Variants in MAP7 observed in about 807,000 individuals in gnomAD.
The protein encoded by MAP7 is microtubule associated protein 7, also known as ensconsin.
Under a neutral mutation model 94.8 loss-of-function variants are expected in MAP7, and 52 were observed. That is an observed-to-expected ratio of 0.55 (90% CI 0.44 to 0.69). The LOEUF (loss-of-function observed/expected upper bound fraction) is 0.69. Ranked by LOEUF, MAP7 falls within the 30% of genes least tolerant of loss-of-function variation. MAP7 has a pLI of 0.00. For synonymous variants in MAP7, 350 were observed against 357.0 expected (o/e 0.98, Z 0.22); for missense variants, 940 against 964.6 (o/e 0.97, Z 0.34).
rs148488594 is a variant in MAP7, at chr6:136,438,369, A to C, written c.68-16570T>G. 3.2e-4 allele frequency among the ~76,000 whole-genome samples: 48 copies of C among 152,348 alleles called. No homozygotes were observed. In the East Asian group the frequency reaches 8.7e-3, roughly 28 times the overall value. On this transcript the variant is annotated intron_variant, in intron 1 of 17. Transcript: ENST00000354570. ...AAGTGGTCAGAAAGGGTCTGAATCTAACCTGGTTCGACTCCAGAATTTGCT... is the reference window on the plus strand; with the variant it reads ...AAGTGGTCAGAAAGGGTCTGAATCTCACCTGGTTCGACTCCAGAATTTGCT...
At chr6:136,423,549 A>G (rs1160241127) in intron 1 of MAP7, among the ~76,000 whole-genome samples, 1 of 152,060 alleles carries the variant, frequency 6.6e-6, no homozygotes, top group African/African-American at 2.4e-5. Flanking sequence ...AGAGGTTTTC[A>G]GCTCAGCCAC....
At chr6:136,408,619 C>T (rs1786361140) in intron 3 of MAP7, among the ~76,000 whole-genome samples, 1 of 152,190 alleles carries the variant, frequency 6.6e-6, no homozygotes, top group Non-Finnish European at 1.5e-5. Flanking sequence ...TTTACTTTGC[C>T]AGCATTTGTG....
chr6:136,394,902 TTC>T (rs1301617350), intron 3 of MAP7, among the ~76,000 whole-genome samples: 1 of 137,526 alleles, frequency 7.3e-6, no homozygotes, highest in Non-Finnish European at 1.6e-5. Context: ...CAGTGTTTCA[TTC>T]TTTTTTATGG....
At chr6:136,536,601 T>C (rs1055774973) in intron 1 of MAP7, among the ~76,000 whole-genome samples, 13 of 152,344 alleles carry the variant, frequency 8.5e-5, no homozygotes, top group African/African-American at 2.6e-4. Context: ...TTCTCTTAAA[T>C]TTCTTGCTGG....
intron 1 of MAP7, among the ~76,000 whole-genome samples, chr6:136,450,879 G>A (rs1800907621): frequency 6.6e-6 from 1 of 152,160 alleles, no homozygotes; most frequent in South Asian, 2.1e-4. Flanking sequence ...GTTACTGCTG[G>A]TGGGGCTCAG....
Position 136,383,676 on chromosome 6 carries a change from T to C in MAP7, c.632A>G (p.Asp211Gly), listed in dbSNP as rs1399894673. The change falls in exon 6 of 18, where the codon GAT (aspartate) becomes GGT (glycine). Residue 211 changes from aspartate to glycine, a missense_variant. Coordinates refer to ENST00000354570, the MANE Select transcript of MAP7 (RefSeq NM_003980.6). The part of the protein sequence containing the change: ...SSSATLLNSP[D>G]RARRLQLSPW... ...TGTTTTCCTTTGGACTGTACCTCTA[T>C]CTGGAGAATTTAGTAAAGTTGCAGA... 6.3e-7 allele frequency: 1 copy of C among 1,583,030 alleles called. No individual in the cohort carries two copies. Among genetic ancestry groups the C allele is most frequent in the East Asian group, 2.3e-5 (1 of 44,240 alleles).
chr6:136,466,220 T>C (rs1385313814), intron 1 of MAP7, among the ~76,000 whole-genome samples: 3 of 152,120 alleles, frequency 2.0e-5, no homozygotes, highest in Admixed American at 1.3e-4. Context: ...ATAAATGTGA[T>C]CTTTCTTTTT....
chr6:136,497,360 G>A (rs946717100), intron 1 of MAP7, among the ~76,000 whole-genome samples: 2 of 151,948 alleles, frequency 1.3e-5, no homozygotes, highest in Non-Finnish European at 2.9e-5. Context: ...CACCACCGCA[G>A]TGTAAATTGG....
At chr6:136,394,931 CATATATATAT>C (rs144839767) in intron 3 of MAP7, among the ~76,000 whole-genome samples, 385 of 27,500 alleles carry the variant, frequency 0.014, 18 homozygotes, top group Middle Eastern at 0.083. Context: ...AATATTCCAT[CATATATATAT>C]ATATATATAT....
At chr6:136,391,055 C>T (rs1780554996) in intron 3 of MAP7, among the ~76,000 whole-genome samples, 1 of 152,188 alleles carries the variant, frequency 6.6e-6, no homozygotes. Context: ...AGGAAATTCT[C>T]AAGCTCAAGT....
intron 8 of MAP7, 23 bp from the exon 9 acceptor site, chr6:136,366,462 G>C (rs1247151112): frequency 6.6e-7 from 1 of 1,522,128 alleles, no homozygotes; most frequent in African/African-American, 1.4e-5. Context: ...AAACTCAATA[G>C]TTAGATTTTT....
chr6:136,424,937 A>G (rs1317937383), intron 1 of MAP7, among the ~76,000 whole-genome samples: 1 of 152,226 alleles, frequency 6.6e-6, no homozygotes, highest in Non-Finnish European at 1.5e-5. Context: ...AAAAGCTTAA[A>G]CTCAGTTCCC....
intron 2 of MAP7, among the ~76,000 whole-genome samples, chr6:136,413,884 A>G (rs1788321818): frequency 6.6e-6 from 1 of 152,150 alleles, no homozygotes; most frequent in African/African-American, 2.4e-5. Context: ...AAAACAGTAA[A>G]GACGCCCCTT....
chr6:136,459,465 T>TA (rs1562425567), intron 1 of MAP7, among the ~76,000 whole-genome samples: 1 of 152,156 alleles, frequency 6.6e-6, no homozygotes, highest in Non-Finnish European at 1.5e-5. Context: ...CTCACATACT[T>TA]ACTGCAGCAT....
intron 12 of MAP7, 58 bp downstream of exon 12, chr6:136,360,947 G>A: frequency 6.5e-7 from 1 of 1,547,068 alleles, no homozygotes; most frequent in Admixed American, 1.9e-5. Flanking sequence ...CTCCTCTGCT[G>A]GGCTGGGGCG....
chr6:136,366,322 C>G lies in MAP7; in HGVS notation c.989+5G>C. 6.2e-7 allele frequency: 1 copy of G among 1,611,480 alleles called. No homozygotes were observed. Among genetic ancestry groups the G allele is most frequent in the Non-Finnish European group, 8.5e-7 (1 of 1,177,570 alleles). ...AACCCAGCCAGCCACTTATATTTCA[C>G]TTACCAAAGTCGGGAGCGAGCTGGT... On this transcript the variant is annotated splice_donor_5th_base_variant and intron_variant, in intron 9 of 17. Transcript: ENST00000354570.
intron 1 of MAP7, among the ~76,000 whole-genome samples, chr6:136,530,759 A>T (rs1828415666): frequency 6.9e-6 from 1 of 145,384 alleles, no homozygotes; most frequent in Non-Finnish European, 1.5e-5. Flanking sequence ...TGAAAGGAAG[A>T]GGCAGATTTG....
chr6:136,459,430 T>G (rs1338473498), intron 1 of MAP7, among the ~76,000 whole-genome samples: 3 of 152,036 alleles, frequency 2.0e-5, no homozygotes, highest in African/African-American at 7.2e-5. Context: ...ATAACTGTAA[T>G]CAGGACCTCA....
intron 3 of MAP7, among the ~76,000 whole-genome samples, chr6:136,404,970 T>G (rs1326048998): frequency 1.3e-5 from 2 of 152,212 alleles, no homozygotes; most frequent in East Asian, 3.8e-4. Context: ...ATAGGAAAAT[T>G]TAAGGACTAT....
Sources: allele counts gnomAD v4.1 joint callset (sites outside exome capture counted in the v4.1 genomes callset), GRCh38; gene constraint gnomAD v4.1.1; transcripts MANE v1.5; gene names NCBI Gene and HGNC (gene_info 2026-07-23, HGNC 2026-07-21).